Variants in ZYG11A observed in about 807,000 individuals in gnomAD.
ZYG11A encodes the protein zyg-11 family member A, cell cycle regulator.
Under a neutral mutation model 77.2 loss-of-function variants are expected in ZYG11A, and 62 were observed. That is an observed-to-expected ratio of 0.80 (90% CI 0.65 to 0.99). The LOEUF is 0.99. ZYG11A is among the 50% of genes least tolerant of loss of function. The pLI is 0.00. For synonymous variants in ZYG11A, 315 were observed against 324.6 expected (o/e 0.97, Z 0.32); for missense variants, 828 against 896.8 (o/e 0.92, Z 0.98).
chr1:52,878,069 C>T, intron 10 of ZYG11A, 100 bp downstream of exon 10: 2 of 943,608 alleles, frequency 2.1e-6, no homozygotes, highest in Non-Finnish European at 1.6e-6. Context: ...AAGCAATTTA[C>T]ATGTATAAAC....
chr1:52,850,840 T>C (rs996966989), intron 1 of ZYG11A, among the ~76,000 whole-genome samples: 3 of 152,164 alleles, frequency 2.0e-5, no homozygotes, highest in Non-Finnish European at 4.4e-5. Context: ...GTTCTTTTAT[T>C]GTGTTCATGT....
Position 52,854,453 on chromosome 1 carries a change from T to C in ZYG11A, c.91-12T>C. 6.6e-7 allele frequency: 1 copy of C among 1,524,840 alleles called. No individual in the cohort carries two copies. Among genetic ancestry groups the C allele is most frequent in the Non-Finnish European group, 8.9e-7 (1 of 1,127,782 alleles). 94.5% of individuals were successfully genotyped at this position (1,524,840 alleles called of 1,614,324 possible). A position where few individuals can be genotyped will look rare whatever the true frequency, so the allele number is the denominator to read the frequency against. On this transcript the variant is annotated splice_polypyrimidine_tract_variant and intron_variant, in intron 1 of 13. Coordinates refer to ENST00000371528, the MANE Select transcript of ZYG11A (RefSeq NM_001004339.3). ...TATTCTAACAAAGTTTGTTTGGGGT[T>C]TTGTTTGCTAGGAAGAGGCATCTCC...
At chr1:52,880,698 G>A in intron 10 of ZYG11A, among the ~76,000 whole-genome samples, 1 of 152,126 alleles carries the variant, frequency 6.6e-6, no homozygotes, top group East Asian at 1.9e-4. Flanking sequence ...AAGGAACTTG[G>A]GGCAGCTTCT....
intron 1 of ZYG11A, among the ~76,000 whole-genome samples, chr1:52,853,340 A>C (rs1301789419): frequency 1.3e-5 from 2 of 152,216 alleles, no homozygotes; most frequent in Non-Finnish European, 2.9e-5. Context: ...CCTTACTGTC[A>C]GTTTCTTACA....
At chr1:52,855,352 C>T (rs1440044192) in intron 2 of ZYG11A, among the ~76,000 whole-genome samples, 1 of 151,132 alleles carries the variant, frequency 6.6e-6, no homozygotes, top group African/African-American at 2.4e-5. Context: ...CATGTCCGGT[C>T]ATAATTTTTG....
Position 52,883,306 on chromosome 1 carries a change from A to G in ZYG11A, c.1944+1641A>G, listed in dbSNP as rs147282479. On this transcript the variant is annotated intron_variant, in intron 11 of 13. Transcript: ENST00000371528. ...AAAACACAATAATTGTTGTGTTTTT[A>G]GTAGAGACGATTTCACCATGTTGGC... Among the ~76,000 whole-genome samples, 405 of 152,056 alleles carry G rather than the reference A, an allele frequency of 2.7e-3. 1 individual carries two copies. Among genetic ancestry groups the G allele is most frequent in the Non-Finnish European group, 4.7e-3 (322 of 67,974 alleles).
At chr1:52,885,546 G>T (rs1319407290) in intron 11 of ZYG11A, among the ~76,000 whole-genome samples, 1 of 152,058 alleles carries the variant, frequency 6.6e-6, no homozygotes, top group Non-Finnish European at 1.5e-5. Context: ...TATTAAATCA[G>T]TTACCATTTT....
At chr1:52,870,902 G>A (rs1646150900) in intron 8 of ZYG11A, among the ~76,000 whole-genome samples, 1 of 151,944 alleles carries the variant, frequency 6.6e-6, no homozygotes, top group African/African-American at 2.4e-5. Flanking sequence ...GAGGGAGAGG[G>A]AGAGGGGATT....
At chr1:52,860,590 C>T in intron 3 of ZYG11A, 141 bp from the exon 4 acceptor site, 1 of 933,782 alleles carries the variant, frequency 1.1e-6, no homozygotes, top group East Asian at 2.7e-5. Flanking sequence ...AGCCACTGCG[C>T]CTGGCCAACA....
intron 8 of ZYG11A, among the ~76,000 whole-genome samples, chr1:52,874,228 GCTCT>G (rs140571966): frequency 6.2e-5 from 7 of 112,748 alleles, no homozygotes; most frequent in African/African-American, 2.2e-4. Context: ...GCGTTTTTTA[GCTCT>G]CTCTCTCTAT....
chr1:52,885,084 T>G (rs1274827363), intron 11 of ZYG11A, among the ~76,000 whole-genome samples: 1 of 151,960 alleles, frequency 6.6e-6, no homozygotes, highest in Non-Finnish European at 1.5e-5. Flanking sequence ...AATTTTTGGA[T>G]TTTTTTAGTA....
chr1:52,869,535 A>G (rs1189337656), intron 8 of ZYG11A, among the ~76,000 whole-genome samples: 2 of 151,772 alleles, frequency 1.3e-5, no homozygotes, highest in Non-Finnish European at 2.9e-5. Flanking sequence ...GACACAGCAC[A>G]TGTTTCAGAG....
chr1:52,863,886 C>T, intron 4 of ZYG11A, 95 bp from the exon 5 acceptor site: 2 of 1,160,204 alleles, frequency 1.7e-6, no homozygotes, highest in Non-Finnish European at 2.4e-6. Context: ...TGTTCCTGTC[C>T]CAATAAACGA....
chr1:52,843,123 C>A (rs902742181), intron 1 of ZYG11A, 150 bp downstream of exon 1: 113 of 600,214 alleles, frequency 1.9e-4, no homozygotes, highest in Non-Finnish European at 2.6e-4. Context: ...CCCTTCCAGG[C>A]GCAGGCGTCG....
chr1:52,864,789 C>T (rs1403055003), intron 5 of ZYG11A, among the ~76,000 whole-genome samples: 16 of 151,104 alleles, frequency 1.1e-4, no homozygotes, highest in Non-Finnish European at 1.8e-4. Context: ...AGACTACAGG[C>T]GCTCGCCACC....
At chr1:52,846,270 T>C (rs557289801) in intron 1 of ZYG11A, among the ~76,000 whole-genome samples, 18 of 142,390 alleles carry the variant, frequency 1.3e-4, no homozygotes, top group African/African-American at 4.6e-4. Flanking sequence ...TCAACTAAGC[T>C]AGTTTTTAGT....
chr1:52,843,548 C>A (rs1558153881), intron 1 of ZYG11A, among the ~76,000 whole-genome samples: 1 of 152,002 alleles, frequency 6.6e-6, no homozygotes, highest in Non-Finnish European at 1.5e-5. Context: ...CTTTCAGTTC[C>A]GCGCGTCCGC....
chr1:52,846,531 T>C (rs1215438383), intron 1 of ZYG11A, among the ~76,000 whole-genome samples: 1 of 151,370 alleles, frequency 6.6e-6, no homozygotes, highest in East Asian at 2.0e-4. Flanking sequence ...TTTTGTATTT[T>C]CAGTAGAGAT....
At chr1:52,869,833 G>T (rs1308185832) in intron 8 of ZYG11A, among the ~76,000 whole-genome samples, 3 of 149,780 alleles carry the variant, frequency 2.0e-5, no homozygotes, top group Non-Finnish European at 3.0e-5. Context: ...GGGCAGAGGC[G>T]CCCCTCACCT....
Sources: gnomAD v4.1 joint callset for allele counts (sites outside exome capture counted in the v4.1 genomes callset) on GRCh38, gnomAD v4.1.1 for gene constraint, MANE v1.5 for transcripts, NCBI Gene and HGNC (gene_info 2026-07-23, HGNC 2026-07-21) for gene names.